NTM: variants seen among roughly 807,000 people sequenced by gnomAD.
NTM encodes IgLON family member 2.
In NTM, 13 loss-of-function variants were observed where a neutral mutation model predicts 42.1. That is an observed-to-expected ratio of 0.31 (90% CI 0.20 to 0.49). The LOEUF (loss-of-function observed/expected upper bound fraction) is 0.49. Ranked by LOEUF, NTM falls within the 20% of genes least tolerant of loss-of-function variation. The pLI is 0.99. For missense variants in NTM, 373 were observed against 452.8 expected (o/e 0.82, Z 1.60); for synonymous variants, 187 against 179.2 (o/e 1.04, Z -0.35).
chr11:132,032,758 G>T (rs491184), intron 2 of NTM, among the ~76,000 whole-genome samples: 1 of 151,912 alleles, frequency 6.6e-6, no homozygotes, highest in Non-Finnish European at 1.5e-5. Flanking sequence ...CTCTAAGAAG[G>T]CTCCTCTGGG....
At chr11:131,907,161 A>AGAGC (rs1444945737) in intron 1 of NTM, among the ~76,000 whole-genome samples, 1 of 152,234 alleles carries the variant, frequency 6.6e-6, no homozygotes, top group Non-Finnish European at 1.5e-5. Flanking sequence ...GAGGAGAAGC[A>AGAGC]GAGCTGGCAT....
At chr11:132,082,935 A>G (rs2059271300) in intron 2 of NTM, among the ~76,000 whole-genome samples, 1 of 152,204 alleles carries the variant, frequency 6.6e-6, no homozygotes, top group East Asian at 1.9e-4. Context: ...TGGCAGGCTC[A>G]GATAACCGGT....
intron 1 of NTM, among the ~76,000 whole-genome samples, chr11:131,572,368 C>T (rs2057527151): frequency 6.6e-6 from 1 of 152,188 alleles, no homozygotes; most frequent in Admixed American, 6.5e-5. Flanking sequence ...CCTAAGGACA[C>T]TCTTAGGCAT....
chr11:131,988,225 C>T (rs2066412424), intron 2 of NTM, among the ~76,000 whole-genome samples: 1 of 152,216 alleles, frequency 6.6e-6, no homozygotes, highest in Admixed American at 6.5e-5. Flanking sequence ...AAAAGCCCTG[C>T]TTCCAGATAC....
At chr11:131,808,514 T>A (rs892997) in intron 1 of NTM, among the ~76,000 whole-genome samples, 123,404 of 152,172 alleles carry the variant, frequency 0.81, 50,564 homozygotes, top group African/African-American at 0.9. Flanking sequence ...CCATATCTGT[T>A]AAAAATAAGT....
At chr11:131,872,859 C>T (rs1056877872) in intron 1 of NTM, among the ~76,000 whole-genome samples, 1 of 152,080 alleles carries the variant, frequency 6.6e-6, no homozygotes, top group Non-Finnish European at 1.5e-5. Flanking sequence ...TGCATATACC[C>T]AGTAATGAGA....
chr11:132,193,875 A>T (rs1044781383), intron 3 of NTM, among the ~76,000 whole-genome samples: 1 of 152,296 alleles, frequency 6.6e-6, no homozygotes, highest in South Asian at 2.1e-4. Context: ...GAAGAAATGG[A>T]TAAATTTCTG....
chr11:132,100,796 G>A (rs11222920), intron 2 of NTM, among the ~76,000 whole-genome samples: 19,491 of 152,222 alleles, frequency 0.13, 1,477 homozygotes, highest in South Asian at 0.2. Flanking sequence ...TGATATGTGA[G>A]GTGGGCTATC....
At chr11:131,809,669 A>G (rs1163518959) in intron 1 of NTM, among the ~76,000 whole-genome samples, 1 of 151,946 alleles carries the variant, frequency 6.6e-6, no homozygotes, top group Admixed American at 6.6e-5. Context: ...CTTTTTGGAG[A>G]ACTCTTCCTG....
chr11:131,462,328 T>TA (rs2136117529), intron 1 of NTM, among the ~76,000 whole-genome samples: 1 of 152,338 alleles, frequency 6.6e-6, no homozygotes, highest in Non-Finnish European at 1.5e-5. Flanking sequence ...GGTGGCTACA[T>TA]AACTATATGT....
At chr11:132,197,677 T>C (rs1331678976) in intron 3 of NTM, among the ~76,000 whole-genome samples, 1 of 124,728 alleles carries the variant, frequency 8.0e-6, no homozygotes, top group Non-Finnish European at 1.6e-5. Context: ...GGCCCTGGTG[T>C]GTGATGTTCC....
At chr11:132,073,147 A>G (rs77177173) in intron 2 of NTM, among the ~76,000 whole-genome samples, 1 of 152,278 alleles carries the variant, frequency 6.6e-6, no homozygotes, top group African/African-American at 2.4e-5. Context: ...GCAGTTCTCT[A>G]GGCTAAGGGT....
chr11:132,322,180 A>T (rs552054136), intron 7 of NTM, among the ~76,000 whole-genome samples: 2 of 152,298 alleles, frequency 1.3e-5, no homozygotes, highest in East Asian at 3.9e-4. Context: ...ACATAACACT[A>T]TTAACTTTAA....
chr11:131,748,370 G>A (rs1357375321), intron 1 of NTM, among the ~76,000 whole-genome samples: 2 of 152,238 alleles, frequency 1.3e-5, no homozygotes, highest in African/African-American at 2.4e-5. Context: ...GGTCAGTGCA[G>A]CTAAGCAGAC....
chr11:131,371,250 A>T (rs551893100), intron 1 of NTM, among the ~76,000 whole-genome samples: 1 of 152,222 alleles, frequency 6.6e-6, no homozygotes, highest in East Asian at 1.9e-4. Flanking sequence ...AGGGTTGCTA[A>T]TGTGTTGCTT....
intron 1 of NTM, among the ~76,000 whole-genome samples, chr11:131,680,394 T>C (rs1023390962): frequency 1.3e-5 from 2 of 152,010 alleles, no homozygotes; most frequent in Admixed American, 6.5e-5. Flanking sequence ...TGCCTGTGTG[T>C]GTGTGCGTCT....
At chr11:131,888,112 T>A (rs1041280144) in intron 1 of NTM, among the ~76,000 whole-genome samples, 1 of 152,030 alleles carries the variant, frequency 6.6e-6, no homozygotes, top group Non-Finnish European at 1.5e-5. Flanking sequence ...ACCAGCCTGA[T>A]TAATATGGTG....
intron 2 of NTM, among the ~76,000 whole-genome samples, chr11:132,117,551 T>G (rs1354528449): frequency 6.6e-6 from 1 of 152,212 alleles, no homozygotes; most frequent in Non-Finnish European, 1.5e-5. Context: ...TAATCAATGC[T>G]AAAGAAGCAG....
intron 1 of NTM, among the ~76,000 whole-genome samples, chr11:131,500,883 C>T (rs566685238): frequency 2.4e-4 from 36 of 151,086 alleles, no homozygotes; most frequent in Admixed American, 1.9e-3. Context: ...ATGATGGTTT[C>T]CAGCTTCATC....
Sources: gnomAD v4.1 joint callset for allele counts (sites outside exome capture counted in the v4.1 genomes callset) on GRCh38, gnomAD v4.1.1 for gene constraint, MANE v1.5 for transcripts, NCBI Gene and HGNC (gene_info 2026-07-23, HGNC 2026-07-21) for gene names.